Variants in TOP2B observed in about 807,000 individuals in gnomAD.
TOP2B encodes the protein DNA topoisomerase II beta, also known as DNA topoisomerase 2-beta.
Under a neutral mutation model 193.5 loss-of-function variants are expected in TOP2B, and 51 were observed. That is an observed-to-expected ratio of 0.26 (90% confidence interval 0.21 to 0.33). The LOEUF is 0.33. TOP2B is among the 10% of genes least tolerant of loss of function. The probability of loss-of-function intolerance (pLI) is 1.00; values close to 1 mark genes in which losing one functional copy is unlikely to be tolerated. For missense variants in TOP2B, 1,378 were observed against 1,909.3 expected, an observed-to-expected ratio of 0.72 and a Z score of 5.19; for synonymous variants, 634 against 635.7, an observed-to-expected ratio of 1.00 and a Z score of 0.04.
chr3:25,660,003 A>T lies in TOP2B; in HGVS notation c.69+4226T>A, dbSNP rs545507766. Among the ~76,000 whole-genome samples the T allele has an allele frequency of 4.6e-5, 7 of 152,338 alleles. No individual in the cohort carries two copies. In the South Asian group the frequency reaches 1.4e-3, roughly 32 times the overall value. ...AAAATGGGGTTCTATACGTGTTAATACTTTTAAAAATTCAAGAAGTTTATT... is the reference window on the plus strand; with the variant it reads ...AAAATGGGGTTCTATACGTGTTAATTCTTTTAAAAATTCAAGAAGTTTATT... On this transcript the variant is annotated intron_variant, in intron 1 of 35. Coordinates refer to ENST00000264331, the MANE Select transcript of TOP2B (RefSeq NM_001330700.2).
chr3:25,620,089 C>CT, intron 22 of TOP2B, 27 bp from the exon 23 acceptor site: 1 of 1,335,386 alleles, frequency 7.5e-7, no homozygotes, highest in Non-Finnish European at 1.0e-6. Flanking sequence ...ATTAGTGATT[C>CT]TTTTCATGAC....
chr3:25,635,357 T>G (rs931628770), intron 7 of TOP2B, among the ~76,000 whole-genome samples: 1 of 152,072 alleles, frequency 6.6e-6, no homozygotes, highest in Non-Finnish European at 1.5e-5. Context: ...AAAAACAATC[T>G]GAAAAGATAA....
At chr3:25,598,916 G>A (rs1702008367) in intron 35 of TOP2B, among the ~76,000 whole-genome samples, 1 of 152,138 alleles carries the variant, frequency 6.6e-6, no homozygotes, top group South Asian at 2.1e-4. Context: ...GTGGACCTGA[G>A]ACATAGAAGA....
intron 1 of TOP2B, among the ~76,000 whole-genome samples, chr3:25,659,659 T>C (rs1250418646): frequency 6.6e-6 from 1 of 152,246 alleles, no homozygotes; most frequent in Non-Finnish European, 1.5e-5. Flanking sequence ...CCCATACTCT[T>C]AGCATTATGC....
chr3:25,618,313 G>T, intron 25 of TOP2B, 105 bp downstream of exon 25: 1 of 742,946 alleles, frequency 1.3e-6, no homozygotes, highest in Non-Finnish European at 2.3e-6. Flanking sequence ...AGACAACTCA[G>T]CACCTTTAGT....
At chr3:25,624,651 G>C (rs769120830) in intron 19 of TOP2B, 31 bp downstream of exon 19, 2 of 1,609,736 alleles carry the variant, frequency 1.2e-6, no homozygotes, top group East Asian at 4.5e-5. Context: ...AATAATTACA[G>C]TTCTCAATTG....
At chr3:25,602,726 A>AC (rs1702139964) in intron 33 of TOP2B, among the ~76,000 whole-genome samples, 1 of 152,028 alleles carries the variant, frequency 6.6e-6, no homozygotes. Context: ...TCTAGGAACC[A>AC]CTTTTTTTCC....
intron 23 of TOP2B, 124 bp downstream of exon 23, chr3:25,619,738 G>GGA (rs1702607678): frequency 1.1e-5 from 6 of 524,168 alleles, no homozygotes; most frequent in African/African-American, 4.8e-5. Flanking sequence ...TGCAGGATGG[G>GGA]AAAAAAAAAA....
chr3:25,622,501 T>C (rs1222147942), intron 21 of TOP2B, among the ~76,000 whole-genome samples: 1 of 152,090 alleles, frequency 6.6e-6, no homozygotes, highest in Non-Finnish European at 1.5e-5. Flanking sequence ...ACAATAAACA[T>C]TATCATTTTG....
chr3:25,626,700 T>C (rs1263859998), intron 17 of TOP2B, 26 bp from the exon 18 acceptor site: 3 of 1,493,154 alleles, frequency 2.0e-6, no homozygotes, highest in Non-Finnish European at 2.7e-6. Context: ...TATAGCAATA[T>C]TATCATTATT....
Position 25,664,641 on chromosome 3 carries a change from T to G in TOP2B, c.-344A>C. Reference sequence around the variant, plus strand: ...TGCAGGCCGGGCTGAAGCCCGGGCGTGCGAGCCGCGAGGGCGGCCGGGGAG... The same window carrying G: ...TGCAGGCCGGGCTGAAGCCCGGGCGGGCGAGCCGCGAGGGCGGCCGGGGAG... On this transcript the variant is annotated 5_prime_UTR_variant, in exon 1 of 36. Coordinates refer to ENST00000264331, the MANE Select transcript of TOP2B (RefSeq NM_001330700.2). 1 of 989,256 alleles carries G rather than the reference T, an allele frequency of 1.0e-6. No individual in the cohort carries two copies. Among genetic ancestry groups the G allele is most frequent in the Non-Finnish European group, 1.2e-6 (1 of 833,064 alleles). 61.3% of individuals were successfully genotyped at this position (989,256 alleles called of 1,614,324 possible). A position where few individuals can be genotyped will look rare whatever the true frequency, so the allele number is the denominator to read the frequency against.
At chr3:25,624,515 A>G (rs1702744876) in intron 19 of TOP2B, 70 bp from the exon 20 acceptor site, 1 of 1,561,336 alleles carries the variant, frequency 6.4e-7, no homozygotes, top group East Asian at 2.3e-5. Context: ...CCCAACTTGA[A>G]TTAAAATCCA....
chr3:25,645,534 C>CACGACATGGGTTTTCTTTTTTA, intron 1 of TOP2B, 64 bp from the exon 2 acceptor site: 1 of 1,254,520 alleles, frequency 8.0e-7, no homozygotes, highest in Non-Finnish European at 1.1e-6. Context: ...AGTATGGACA[C>CACGACATGGGTTTTCTTTTTTA]ACGACATGGG....
chr3:25,638,409 G>A (rs1308791628), intron 4 of TOP2B, 99 bp from the exon 5 acceptor site: 3 of 1,269,828 alleles, frequency 2.4e-6, no homozygotes, highest in East Asian at 2.9e-5. Flanking sequence ...AAGTAATCTA[G>A]AATAAACCTT....
chr3:25,600,474 T>A (rs1260202736), intron 34 of TOP2B, among the ~76,000 whole-genome samples: 1 of 152,204 alleles, frequency 6.6e-6, no homozygotes, highest in Non-Finnish European at 1.5e-5. Flanking sequence ...TCCCTGTAGG[T>A]CTACAGCTCC....
Position 25,632,458 on chromosome 3 carries a change from T to A in TOP2B, c.1254A>T (p.Lys418Asn). ...AAGTTTTACTCACTGCTTTAAAAAA[T>A]TTTTCTGACAGCTGGCATTTAGACC... is the stretch of plus-strand genomic sequence containing the variant. ...SFGSKCQLSE[K>N]FFKAASNCGI... The change falls in exon 10 of 36, where the codon AAA (lysine) becomes AAT (asparagine). Residue 418 changes from lysine (K) to asparagine (N), a missense_variant. Lys to Asn is a moderately conservative substitution (Grantham distance 94). Transcript: ENST00000264331. 6.4e-7 allele frequency: 1 copy of A among 1,565,434 alleles called. No individual in the cohort carries two copies. The highest frequency in any genetic ancestry group is 8.6e-7 in the Non-Finnish European group (1 of 1,156,344).
chr3:25,632,806 A>G lies in TOP2B; in HGVS notation c.1027-12T>C. 1 of 1,599,898 alleles carries G rather than the reference A, an allele frequency of 6.3e-7. No individual in the cohort carries two copies. The highest frequency in any genetic ancestry group is 8.6e-7 in the Non-Finnish European group (1 of 1,169,388). ...ACGTGCCGTCCACCCTAAAGAAAAAAAAATATATGAAATCTGAAATCCTGT... is the reference window on the plus strand; with the variant it reads ...ACGTGCCGTCCACCCTAAAGAAAAAGAAATATATGAAATCTGAAATCCTGT... On this transcript the variant is annotated splice_polypyrimidine_tract_variant and intron_variant, in intron 8 of 35. Coordinates refer to ENST00000264331, the MANE Select transcript of TOP2B (RefSeq NM_001330700.2).
chr3:25,659,118 A>C (rs1575590364), intron 1 of TOP2B, among the ~76,000 whole-genome samples: 1 of 152,240 alleles, frequency 6.6e-6, no homozygotes, highest in East Asian at 1.9e-4. Context: ...CAATCCCCTC[A>C]GACTTAACAC....
At chr3:25,609,366 A>G in intron 29 of TOP2B, 22 bp from the exon 30 acceptor site, 1 of 1,566,932 alleles carries the variant, frequency 6.4e-7, no homozygotes, top group South Asian at 1.2e-5. Flanking sequence ...GAATAGCAAT[A>G]AGGTATGTAT....
Sources: allele counts gnomAD v4.1 joint callset (sites outside exome capture counted in the v4.1 genomes callset), GRCh38; gene constraint gnomAD v4.1.1; transcripts MANE v1.5; gene names NCBI Gene and HGNC (gene_info 2026-07-23, HGNC 2026-07-21).